Variants in CLDN10 observed in about 807,000 individuals in gnomAD.
CLDN10 encodes claudin 10.
A neutral mutation model predicts 22.9 loss-of-function variants in CLDN10; 15 were observed. The ratio of observed to expected loss-of-function variants is 0.65; its 90% CI spans 0.44 to 1.01. The LOEUF (loss-of-function observed/expected upper bound fraction) is 1.01, where lower values mean the gene tolerates loss of function less well. Ranked by LOEUF, CLDN10 falls within the 50% of genes least tolerant of loss-of-function variation. CLDN10 has a pLI of 0.00. For synonymous variants in CLDN10, 114 were observed against 111.4 expected (o/e 1.02, Z -0.15); for missense variants, 247 against 287.8 (o/e 0.86, Z 1.03).
chr13:95,494,265 C>T (rs1444536208), intron 1 of CLDN10, among the ~76,000 whole-genome samples: 1 of 152,180 alleles, frequency 6.6e-6, no homozygotes, highest in Non-Finnish European at 1.5e-5. Context: ...TGTCATACTA[C>T]ATTTCACCAA....
chr13:95,440,803 T>G (rs1233079676), intron 1 of CLDN10, among the ~76,000 whole-genome samples: 1 of 152,242 alleles, frequency 6.6e-6, no homozygotes, highest in East Asian at 1.9e-4. Flanking sequence ...ATTGTCTCTG[T>G]ATCAATATGG....
At chr13:95,467,617 G>T (rs1350083971) in intron 1 of CLDN10, among the ~76,000 whole-genome samples, 1 of 152,032 alleles carries the variant, frequency 6.6e-6, no homozygotes, top group Non-Finnish European at 1.5e-5. Context: ...TTTTATCCCT[G>T]TGGAGGTGTG....
At chr13:95,557,886 C>G (rs1298342307) in intron 1 of CLDN10, among the ~76,000 whole-genome samples, 1 of 152,150 alleles carries the variant, frequency 6.6e-6, no homozygotes, top group Non-Finnish European at 1.5e-5. Flanking sequence ...GGGATTCTAC[C>G]CACTGTTTAT....
At chr13:95,503,216 T>C (rs965774535) in intron 1 of CLDN10, among the ~76,000 whole-genome samples, 2 of 152,146 alleles carry the variant, frequency 1.3e-5, no homozygotes, top group Non-Finnish European at 1.5e-5. Flanking sequence ...TAGATTTTCA[T>C]AGAGGTGATA....
chr13:95,535,909 G>T (rs1447645901), intron 1 of CLDN10, among the ~76,000 whole-genome samples: 1 of 152,136 alleles, frequency 6.6e-6, no homozygotes, highest in East Asian at 1.9e-4. Context: ...TATGAAAAAG[G>T]TGCAGAGAAA....
At chr13:95,482,805 C>T (rs1407970005) in intron 1 of CLDN10, among the ~76,000 whole-genome samples, 1 of 152,042 alleles carries the variant, frequency 6.6e-6, no homozygotes, top group Non-Finnish European at 1.5e-5. Flanking sequence ...GGTGAAACCC[C>T]CATCTCTACT....
intron 1 of CLDN10, among the ~76,000 whole-genome samples, chr13:95,438,350 C>CA (rs1239494620): frequency 3.3e-5 from 5 of 152,242 alleles, no homozygotes; most frequent in African/African-American, 1.2e-4. Flanking sequence ...AGTGATCCTC[C>CA]AGCCTAGGCC....
upstream of CLDN10, among the ~76,000 whole-genome samples, chr13:95,551,438 C>T (rs1594605879): frequency 6.6e-6 from 1 of 152,186 alleles, no homozygotes; most frequent in East Asian, 1.9e-4. Context: ...GTGATTCTTC[C>T]AATCTAAGTT....
chr13:95,519,174 T>C (rs1295367797), intron 1 of CLDN10, among the ~76,000 whole-genome samples: 1 of 152,184 alleles, frequency 6.6e-6, no homozygotes, highest in African/African-American at 2.4e-5. Context: ...AGTTAAGAAT[T>C]GAATTTACTT....
intron 1 of CLDN10, among the ~76,000 whole-genome samples, chr13:95,554,661 G>T (rs889849061): frequency 1.3e-5 from 2 of 152,104 alleles, no homozygotes; most frequent in African/African-American, 2.4e-5. Flanking sequence ...AACATAAATG[G>T]CATGACACTA....
At chr13:95,509,288 G>A (rs866897864) in intron 1 of CLDN10, among the ~76,000 whole-genome samples, 40 of 152,198 alleles carry the variant, frequency 2.6e-4, no homozygotes, top group African/African-American at 9.6e-4. Context: ...TGGAATAAGA[G>A]ACTGTGAATA....
At chr13:95,540,357 T>C (rs980809592) in intron 1 of CLDN10, among the ~76,000 whole-genome samples, 1 of 151,074 alleles carries the variant, frequency 6.6e-6, no homozygotes, top group African/African-American at 2.4e-5. Context: ...CCTGGCATGG[T>C]GGCATGCGCC....
intron 1 of CLDN10, among the ~76,000 whole-genome samples, chr13:95,531,331 T>C (rs1447553303): frequency 1.3e-5 from 2 of 152,194 alleles, no homozygotes; most frequent in Non-Finnish European, 2.9e-5. Context: ...AAGTAAAGAT[T>C]CCAATGCATT....
At chr13:95,502,663 G>A (rs2042997729) in intron 1 of CLDN10, among the ~76,000 whole-genome samples, 1 of 152,088 alleles carries the variant, frequency 6.6e-6, no homozygotes, top group African/African-American at 2.4e-5. Flanking sequence ...GGGATTGCAG[G>A]AGCCCGCCAC....
intron 1 of CLDN10, among the ~76,000 whole-genome samples, chr13:95,495,378 G>C (rs753314848): frequency 2.0e-5 from 3 of 151,792 alleles, no homozygotes; most frequent in Non-Finnish European, 4.4e-5. Context: ...GTATTACCAG[G>C]ACTAAACAAG....
At chr13:95,437,153 G>A (rs1374148716) in intron 1 of CLDN10, among the ~76,000 whole-genome samples, 1 of 151,940 alleles carries the variant, frequency 6.6e-6, no homozygotes, top group African/African-American at 2.4e-5. Context: ...GCTTTTTAGG[G>A]CTTCATTTGG....
At chr13:95,567,692 C>T (rs2043803714) in intron 3 of CLDN10, among the ~76,000 whole-genome samples, 1 of 152,160 alleles carries the variant, frequency 6.6e-6, no homozygotes. Context: ...GCATCCTTGT[C>T]TTGTGCCAGT....
At chr13:95,478,954 G>A (rs2042712206) in intron 1 of CLDN10, among the ~76,000 whole-genome samples, 1 of 152,228 alleles carries the variant, frequency 6.6e-6, no homozygotes, top group African/African-American at 2.4e-5. Flanking sequence ...GGCTTCCTGT[G>A]CGTAAGGTTT....
At chr13:95,444,701 T>C (rs990811847) in intron 1 of CLDN10, among the ~76,000 whole-genome samples, 22 of 152,240 alleles carry the variant, frequency 1.4e-4, no homozygotes, top group African/African-American at 5.3e-4. Flanking sequence ...ATTAACTGCA[T>C]GTTTCTGAGA....
Sources: allele counts gnomAD v4.1 joint callset (sites outside exome capture counted in the v4.1 genomes callset), GRCh38; gene constraint gnomAD v4.1.1; transcripts MANE v1.5; gene names NCBI Gene and HGNC (gene_info 2026-07-23, HGNC 2026-07-21).